SPATA6: variants seen among roughly 807,000 people sequenced by gnomAD.
SPATA6 encodes spermatogenesis-associated protein 6.
In SPATA6, 56 loss-of-function variants were observed where a neutral mutation model predicts 65.3. That is an observed-to-expected ratio of 0.86 (90% CI 0.69 to 1.07). The LOEUF (loss-of-function observed/expected upper bound fraction) is 1.07, where lower values mean the gene tolerates loss of function less well. Among genes scored for constraint, SPATA6 ranks in the 50% least tolerant of loss-of-function variants. SPATA6 has a pLI of 0.00. For synonymous variants in SPATA6, 199 were observed against 213.2 expected (o/e 0.93, Z 0.58); for missense variants, 590 against 594.8 (o/e 0.99, Z 0.08).
chr1:48,355,476 A>C, intron 11 of SPATA6, 194 bp downstream of exon 11: 1 of 468,200 alleles, frequency 2.1e-6, no homozygotes. Context: ...TATTTCAAAC[A>C]TTTTGCATAA....
chr1:48,286,691 C>T, the SPATA6 span, among the ~76,000 whole-genome samples: 2 of 151,994 alleles, frequency 1.3e-5, no homozygotes, highest in South Asian at 2.1e-4. Flanking sequence ...GTATTAGTCA[C>T]GTCTTATATT....
chr1:48,445,172 A>G (rs1239642370), intron 3 of SPATA6, among the ~76,000 whole-genome samples: 1 of 152,222 alleles, frequency 6.6e-6, no homozygotes, highest in African/African-American at 2.4e-5. Context: ...TTCCACTGAC[A>G]TACAGCCAAA....
At chr1:48,372,108 T>A (rs1247312969) in intron 9 of SPATA6, among the ~76,000 whole-genome samples, 1 of 152,076 alleles carries the variant, frequency 6.6e-6, no homozygotes, top group Non-Finnish European at 1.5e-5. Flanking sequence ...AAACCAATCA[T>A]GCCTTCCCAA....
At chr1:48,287,969 T>C in the SPATA6 span, among the ~76,000 whole-genome samples, 3 of 152,348 alleles carry the variant, frequency 2.0e-5, no homozygotes, top group South Asian at 6.2e-4. Context: ...TGTGTTGAAA[T>C]AAGTTTCCTG....
intron 3 of SPATA6, among the ~76,000 whole-genome samples, chr1:48,424,163 G>A (rs1468458812): frequency 6.6e-6 from 1 of 151,950 alleles, no homozygotes; most frequent in Non-Finnish European, 1.5e-5. Flanking sequence ...ATCCTTCCCA[G>A]CCTCTGGGAG....
chr1:48,356,507 T>C (rs1222426765), intron 10 of SPATA6, among the ~76,000 whole-genome samples: 2 of 149,084 alleles, frequency 1.3e-5, no homozygotes, highest in African/African-American at 4.9e-5. Context: ...CAGTTTGTCC[T>C]TTCTTTTTTT....
chr1:48,307,011 C>T (rs1476993911), intron 11 of SPATA6, among the ~76,000 whole-genome samples: 1 of 151,568 alleles, frequency 6.6e-6, no homozygotes, highest in Admixed American at 6.6e-5. Flanking sequence ...TTCAGCCATT[C>T]CTTACTATTA....
At chr1:48,287,026 T>A in the SPATA6 span, among the ~76,000 whole-genome samples, 5 of 140,328 alleles carry the variant, frequency 3.6e-5, no homozygotes, top group Non-Finnish European at 1.5e-5. Flanking sequence ...GTAACAAGAG[T>A]TAGACTGTCT....
intron 11 of SPATA6, among the ~76,000 whole-genome samples, chr1:48,321,306 C>T (rs903284082): frequency 3.3e-5 from 5 of 152,056 alleles, no homozygotes; most frequent in African/African-American, 1.2e-4. Flanking sequence ...CATAAGGACA[C>T]ACACAGACTG....
intron 11 of SPATA6, among the ~76,000 whole-genome samples, chr1:48,346,157 G>A (rs1646358774): frequency 6.6e-6 from 1 of 152,022 alleles, no homozygotes; most frequent in South Asian, 2.1e-4. Context: ...TTATCCAGAA[G>A]GTGCAAGGTT....
chr1:48,350,822 T>C (rs1646496143), intron 11 of SPATA6, among the ~76,000 whole-genome samples: 1 of 151,964 alleles, frequency 6.6e-6, no homozygotes. Context: ...CCTCCAGCTT[T>C]GTTTGTTTCA....
At chr1:48,424,151 C>T (rs930955249) in intron 3 of SPATA6, among the ~76,000 whole-genome samples, 5 of 152,172 alleles carry the variant, frequency 3.3e-5, no homozygotes, top group African/African-American at 1.2e-4. Flanking sequence ...AAACCTGCTA[C>T]TATCCTTCCC....
At chr1:48,354,115 C>T (rs189016724) in intron 11 of SPATA6, among the ~76,000 whole-genome samples, 2 of 152,176 alleles carry the variant, frequency 1.3e-5, no homozygotes, top group East Asian at 1.9e-4. Flanking sequence ...AATATTCACT[C>T]GTCACTGGAC....
chr1:48,387,891 C>T (rs1649648158), intron 8 of SPATA6, among the ~76,000 whole-genome samples: 2 of 152,194 alleles, frequency 1.3e-5, no homozygotes, highest in African/African-American at 4.8e-5. Context: ...CCGCTTGGGA[C>T]CCAGAGGGTC....
chr1:48,286,598 CAG>C, the SPATA6 span, among the ~76,000 whole-genome samples: 3 of 152,082 alleles, frequency 2.0e-5, no homozygotes, highest in African/African-American at 7.2e-5. Flanking sequence ...CAAATGCAAA[CAG>C]AGATAATTTT....
At position 48,430,341 on chromosome 1, in the gene SPATA6, T is replaced by C. The variant is rs4561076; in HGVS notation, c.239-17190A>G. Among the ~76,000 whole-genome samples, 252 of 152,136 alleles carry C rather than the reference T, an allele frequency of 1.7e-3. 1 individual carries two copies. Among genetic ancestry groups the C allele is most frequent in the African/African-American group, 5.7e-3 (237 of 41,528 alleles). ...GCAGTAGGCTCGTATATACAAAATA[T>C]TTAAAGAAAAAACTAACAAGAATTC... On this transcript the variant is annotated intron_variant, in intron 3 of 12. Coordinates refer to ENST00000371847, the MANE Select transcript of SPATA6 (RefSeq NM_019073.4).
intron 3 of SPATA6, among the ~76,000 whole-genome samples, chr1:48,427,545 C>T (rs1653957204): frequency 2.0e-5 from 3 of 150,454 alleles, no homozygotes; most frequent in Admixed American, 1.3e-4. Flanking sequence ...ATATATACAA[C>T]GAATTTAAAG....
intron 11 of SPATA6, chr1:48,326,086 A>T (rs1209887568): frequency 6.4e-5 from 10 of 157,246 alleles, no homozygotes. Context: ...GCAGTGGAGC[A>T]GCGGGAGGCT....
At chr1:48,413,509 G>A (rs1360476218) in intron 3 of SPATA6, among the ~76,000 whole-genome samples, 8 of 128,522 alleles carry the variant, frequency 6.2e-5, no homozygotes, top group Non-Finnish European at 9.6e-5. Flanking sequence ...TCACCATGTT[G>A]GCCAGGATGG....
Sources: allele counts gnomAD v4.1 joint callset (sites outside exome capture counted in the v4.1 genomes callset), GRCh38; gene constraint gnomAD v4.1.1; transcripts MANE v1.5; gene names NCBI Gene and HGNC (gene_info 2026-07-23, HGNC 2026-07-21).